The following PIK3R2 variants were observed in gnomAD, a reference collection of about 807,000 sequenced individuals.
The protein encoded by PIK3R2 is phosphatidylinositol 3-kinase regulatory subunit beta.
A neutral mutation model predicts 78.5 loss-of-function variants in PIK3R2; 40 were observed. That is an observed-to-expected ratio of 0.51 (90% confidence interval 0.40 to 0.66). PIK3R2 has a LOEUF of 0.66. Ranked by LOEUF, PIK3R2 falls within the 30% of genes least tolerant of loss-of-function variation. The pLI, the probability that PIK3R2 is intolerant of heterozygous loss-of-function variation, is 0.00. For synonymous variants in PIK3R2, 473 were observed against 457.7 expected (o/e 1.03, Z -0.43); for missense variants, 880 against 1,026.6 (o/e 0.86, Z 1.95).
rs1468824581 is a variant in PIK3R2 at position 18,156,038 on chromosome 19, C to T, written c.159C>T (p.Ser53=). Reference sequence around the variant, plus strand: ...AGGGTGGCGAGCGCTGCCCACAGAGCGTGGGCTGGATGCCCGGCCTCAACG... The same window carrying T: ...AGGGTGGCGAGCGCTGCCCACAGAGTGTGGGCTGGATGCCCGGCCTCAACG... ...VAEGGERCPQ[S]VGWMPGLNER... is the part of the protein sequence containing the mutation. Residue 53 remains serine (S), a synonymous_variant, in exon 2 of 16, where the codon AGC becomes AGT. Transcript: ENST00000222254. The surrounding 1 kb of genome is among the most constrained non-coding windows in gnomAD (Gnocchi z 4.2). The T allele has an allele frequency of 3.8e-6, 6 of 1,560,894 alleles. No individual in the cohort carries two copies. Among genetic ancestry groups the T allele is most frequent in the South Asian group, 1.2e-5 (1 of 85,078 alleles).
intron 1 of PIK3R2, among the ~76,000 whole-genome samples, chr19:18,153,501 A>T (rs1220776008): frequency 6.6e-6 from 1 of 152,136 alleles, no homozygotes; most frequent in Non-Finnish European, 1.5e-5. Context: ...GTCGGGGCAG[A>T]ATGGGGAGAG....
At position 18,168,928 on chromosome 19, in the gene PIK3R2, G is replaced by A. The variant is rs1000165677; in HGVS notation, c.1979+32G>A. On this transcript the variant is annotated intron_variant, in intron 15 of 15. Coordinates refer to ENST00000222254, the MANE Select transcript of PIK3R2 (RefSeq NM_005027.4). The surrounding 1 kb of genome is among the most constrained non-coding windows in gnomAD (Gnocchi z 4.1). ...GGACCGCAGCGGTGGGGATTCCCGC[G>A]TCCCTCCCAGAGCTCTCATTGAATG... 3.8e-6 allele frequency: 6 copies of A among 1,595,976 alleles called. No homozygotes were observed. The highest frequency in any genetic ancestry group is 2.3e-5 in the East Asian group (1 of 43,728).
In PIK3R2 at chr19:18,168,624, TAGG is replaced by T. The variant is rs1467859838; in HGVS notation, c.1808+81_1808+83del. The T allele has an allele frequency of 2.0e-6, 2 of 1,008,300 alleles. No individual in the cohort carries two copies. The highest frequency in any genetic ancestry group is 3.2e-6 in the Non-Finnish European group (2 of 633,282). The allele number at this position is 1,008,300 out of a possible 1,614,324, so 62.5% of individuals were successfully genotyped here. Reference sequence around the variant, plus strand: ...TTTGGGGTGGGTTTCGAAGAATGAGTAGGAGTTCACCAGGGAGGAAAAGTTGTC... The same window carrying T: ...TTTGGGGTGGGTTTCGAAGAATGAGTAGTTCACCAGGGAGGAAAAGTTGTC... On this transcript the variant is annotated intron_variant, in intron 14 of 15. Coordinates refer to ENST00000222254, the MANE Select transcript of PIK3R2 (RefSeq NM_005027.4). This position sits in a 1 kb window ranked among gnomAD's most constrained non-coding sequence, Gnocchi z 4.1.
At chr19:18,164,519 A>G (rs1164331173) in intron 11 of PIK3R2, among the ~76,000 whole-genome samples, 2 of 152,162 alleles carry the variant, frequency 1.3e-5, no homozygotes, top group African/African-American at 2.4e-5. Flanking sequence ...TTTGTCACTC[A>G]AGGACTGTGC....
rs765613925 is a variant in PIK3R2 at position 18,167,751 on chromosome 19, G to C, written c.1736+445G>C. On this transcript the variant is annotated intron_variant, in intron 13 of 15. Transcript: ENST00000222254. This position sits in a 1 kb window ranked among gnomAD's most constrained non-coding sequence, Gnocchi z 4.5. ...ATGGTGGTGGGCGCCTGTAATCCCA[G>C]TTACTCAAGAGGCTGAGGCAGGAGA... Among the ~76,000 whole-genome samples, 69 of 152,088 alleles carry C rather than the reference G, an allele frequency of 4.5e-4. No individual in the cohort carries two copies. Among genetic ancestry groups the C allele is most frequent in the Non-Finnish European group, 7.8e-4 (53 of 68,020 alleles).
chr19:18,166,415 T>C, intron 12 of PIK3R2, 113 bp downstream of exon 12: 1 of 867,698 alleles, frequency 1.2e-6, no homozygotes, highest in Non-Finnish European at 1.8e-6. Context: ...AGTAGTCTGT[T>C]GAAATGGACT....
At position 18,155,988 on chromosome 19, in the gene PIK3R2, G is replaced by C; in HGVS notation, c.109G>C (p.Ala37Pro). 1 of 1,560,716 alleles carries C rather than the reference G, an allele frequency of 6.4e-7. No homozygotes were observed. The highest frequency in any genetic ancestry group is 8.7e-7 in the Non-Finnish European group (1 of 1,152,898). The change falls in exon 2 of 16, where the codon GCC becomes CCC. Residue 37 changes from alanine to proline, a missense_variant. Around this residue, in one of 3 missense-constraint regions of PIK3R2, gnomAD observed 456 missense variants for 486.6 expected, o/e 0.94. Coordinates refer to ENST00000222254, the MANE Select transcript of PIK3R2 (RefSeq NM_005027.4). ...CGACGTGCTGGTAGTGAGCCGGGCGGCCTTGCAGGCGCTGGGCGTGGCCGA... is the reference window on the plus strand; with the variant it reads ...CGACGTGCTGGTAGTGAGCCGGGCGCCCTTGCAGGCGCTGGGCGTGGCCGA... ...PGDVLVVSRA[A>P]LQALGVAEGG... is the part of the protein sequence containing the mutation.
rs931289987 is a variant in PIK3R2, at chr19:18,167,446, C to T, written c.1736+140C>T. 5.4e-5 allele frequency: 36 copies of T among 662,638 alleles called. No individual in the cohort carries two copies. Among genetic ancestry groups the T allele is most frequent in the African/African-American group, 4.0e-4 (21 of 52,768 alleles). 41.0% of individuals were successfully genotyped at this position (662,638 alleles called of 1,614,324 possible). A position where few individuals can be genotyped will look rare whatever the true frequency, so the allele number is the denominator to read the frequency against. On this transcript the variant is annotated intron_variant, in intron 13 of 15. Transcript: ENST00000222254. This position sits in a 1 kb window ranked among gnomAD's most constrained non-coding sequence, Gnocchi z 4.5. ...GAGACCCCTTAAACTCGGTTCCTCC[C>T]GGGCCCCTTGAAAGTTTTCCCATAG...
chr19:18,166,409 G>A, intron 12 of PIK3R2, 107 bp downstream of exon 12: 1 of 926,270 alleles, frequency 1.1e-6, no homozygotes. Context: ...GCAAAGAGTA[G>A]TCTGTTGAAA....
Position 18,161,228 on chromosome 19 carries a change from G to A in PIK3R2, c.598+43G>A, listed in dbSNP as rs1338515671. ...CCCGGGGGAAGGAGGGGGCTGTAGCGGGTGGGAGGGCCCAGGCCTGGCTCA... is the reference window on the plus strand; with the variant it reads ...CCCGGGGGAAGGAGGGGGCTGTAGCAGGTGGGAGGGCCCAGGCCTGGCTCA... On this transcript the variant is annotated intron_variant, in intron 5 of 15. Transcript: ENST00000222254. The surrounding 1 kb of genome is among the most constrained non-coding windows in gnomAD (Gnocchi z 5.3). 4.6e-6 allele frequency: 7 copies of A among 1,517,302 alleles called. No homozygotes were observed. Among genetic ancestry groups the A allele is most frequent in the East Asian group, 2.5e-5 (1 of 40,620 alleles). 94.0% of individuals were successfully genotyped at this position (1,517,302 alleles called of 1,614,324 possible).
In PIK3R2 at chr19:18,161,342, C is replaced by T. The variant is rs1375012970; in HGVS notation, c.662C>T (p.Thr221Met). 4.5e-6 allele frequency: 6 copies of T among 1,324,440 alleles called. No homozygotes were observed. Among genetic ancestry groups the T allele is most frequent in the African/African-American group, 1.6e-5 (1 of 64,432 alleles). The allele number at this position is 1,324,440 out of a possible 1,614,324, so 82.0% of individuals were successfully genotyped here. The change falls in exon 6 of 16, where the codon ACG becomes ATG. Residue 221 changes from threonine (T) to methionine (M), a missense_variant. This residue lies in a region of PIK3R2 where 456 missense variants were observed against 486.6 expected (regional missense o/e 0.94). Transcript: ENST00000222254. This position sits in a 1 kb window ranked among gnomAD's most constrained non-coding sequence, Gnocchi z 5.3. The stretch of plus-strand genomic sequence containing the variant: ...ACGCTGCCGCTGCACCGCGCGCTCA[C>T]GCTGCGCTTCCTGCTCCAGCACCTG... ...PPTLPLHRALTLRFLLQHLGR... is the reference protein window; with the variant it reads ...PPTLPLHRALMLRFLLQHLGR...
rs569460848 is a variant in PIK3R2 at position 18,168,754 on chromosome 19, G to A, written c.1837G>A (p.Asp613Asn). ...DQYALMEDED[D>N]LPHHEERTWY... ...GTACGCACTCATGGAGGACGAGGAC[G>A]ATCTCCCGCACCACGAGGAACGCAC... Residue 613 changes from aspartate (D) to asparagine (N), a missense_variant, in exon 15 of 16, where the codon GAT (aspartate) becomes AAT (asparagine). Asp to Asn is a conservative substitution (Grantham distance 23). This residue lies in a region of PIK3R2 where 268 missense variants were observed against 299.1 expected (regional missense o/e 0.90). Transcript: ENST00000222254. The surrounding 1 kb of genome is among the most constrained non-coding windows in gnomAD (Gnocchi z 4.1). 1 of 1,609,632 alleles carries A rather than the reference G, an allele frequency of 6.2e-7. No individual in the cohort carries two copies. Among genetic ancestry groups the A allele is most frequent in the South Asian group, 1.1e-5 (1 of 90,958 alleles).
chr19:18,153,765 C>G, intron 1 of PIK3R2, among the ~76,000 whole-genome samples: 1 of 152,170 alleles, frequency 6.6e-6, no homozygotes. Context: ...CTGCCTGCCC[C>G]GCCCCTCCCG....
chr19:18,157,686 C>T (rs1043686245), intron 2 of PIK3R2, among the ~76,000 whole-genome samples: 1 of 152,138 alleles, frequency 6.6e-6, no homozygotes, highest in African/African-American at 2.4e-5. Context: ...AGTTTCCCAA[C>T]CCACCGGCCA....
At chr19:18,157,681 C>G (rs932947372) in intron 2 of PIK3R2, among the ~76,000 whole-genome samples, 2 of 152,150 alleles carry the variant, frequency 1.3e-5, no homozygotes, top group African/African-American at 4.8e-5. Context: ...GGTTGAGTTT[C>G]CCAACCCACC....
rs2147953286 is a variant in PIK3R2, at chr19:18,163,108, G to A, written c.1251G>A (p.Leu417=). The change falls in exon 10 of 16, where the codon CTG becomes CTA. Residue 417 remains leucine (L), a synonymous_variant. Coordinates refer to ENST00000222254, the MANE Select transcript of PIK3R2 (RefSeq NM_005027.4). ...HESLAQYNAK[L]DTRLLYPVSK... ...CTCTGGCCCAGTACAATGCCAAGCT[G>A]GACACACGGCTCCTCTACCCTGTGT... The A allele has an allele frequency of 1.1e-5, 18 of 1,613,872 alleles. No homozygotes were observed. Among genetic ancestry groups the A allele is most frequent in the Non-Finnish European group, 1.5e-5 (18 of 1,179,994 alleles).
In PIK3R2 at chr19:18,163,120, C is replaced by T. The variant is rs753637291; in HGVS notation, c.1263C>T (p.Leu421=). Residue 421 remains leucine, a synonymous_variant, in exon 10 of 16, where the codon CTC becomes CTT. Transcript: ENST00000222254. ...AQYNAKLDTR[L]LYPVSKYQQD... ...ACAATGCCAAGCTGGACACACGGCT[C>T]CTCTACCCTGTGTCCAAATACCAGC... The T allele has an allele frequency of 1.9e-6, 3 of 1,614,034 alleles. No homozygotes were observed. The highest frequency in any genetic ancestry group is 2.5e-6 in the Non-Finnish European group (3 of 1,179,994).
Position 18,161,509 on chromosome 19 carries a change from C to T in PIK3R2, c.815+14C>T, listed in dbSNP as rs1417811449. 3.9e-6 allele frequency: 2 copies of T among 518,616 alleles called. No homozygotes were observed. Among genetic ancestry groups the T allele is most frequent in the Admixed American group, 7.3e-5 (1 of 13,690 alleles). 32.1% of individuals were successfully genotyped at this position (518,616 alleles called of 1,614,324 possible). On this transcript the variant is annotated intron_variant, in intron 6 of 15. Transcript: ENST00000222254. This position sits in a 1 kb window ranked among gnomAD's most constrained non-coding sequence, Gnocchi z 5.3. Reference sequence around the variant, plus strand: ...CGCTCCCGACGGGTGAGGGGCGGGGCGGAGCCGGAGCGAGCAGGGGTGGAG... The same window carrying T: ...CGCTCCCGACGGGTGAGGGGCGGGGTGGAGCCGGAGCGAGCAGGGGTGGAG...
rs759315835 is a variant in PIK3R2 at position 18,168,875 on chromosome 19, G to A, written c.1958G>A (p.Gly653Asp). ...CTCATCCGCGAGAGCAGCCAGCGGG[G>A]CTGCTACGCCTGCTCCGTGGTGTGA... ...TFLIRESSQR[G>D]CYACSVVVDG... is the part of the protein sequence containing the mutation. Residue 653 changes from glycine to aspartate, a missense_variant, in exon 15 of 16, where the codon GGC becomes GAC. Around this residue, in one of 3 missense-constraint regions of PIK3R2, gnomAD observed 268 missense variants for 299.1 expected, o/e 0.90. Transcript: ENST00000222254. This position sits in a 1 kb window ranked among gnomAD's most constrained non-coding sequence, Gnocchi z 4.1. The A allele has an allele frequency of 6.2e-7, 1 of 1,613,298 alleles. No homozygotes were observed. Among genetic ancestry groups the A allele is most frequent in the South Asian group, 1.1e-5 (1 of 90,968 alleles).
Sources: gnomAD v4.1 joint callset for allele counts (sites outside exome capture counted in the v4.1 genomes callset) on GRCh38, gnomAD v4.1.1 for gene constraint, gnomAD v4.1.1 regional missense constraint, Gnocchi (gnomAD v3.1) non-coding constraint, MANE v1.5 for transcripts, NCBI Gene and HGNC (gene_info 2026-07-23, HGNC 2026-07-21) for gene names.